Variants in HTRA1 observed in about 807,000 individuals in gnomAD.
HTRA1 encodes the protein serine protease HTRA1.
In HTRA1, 26 loss-of-function variants were observed where a neutral mutation model predicts 49.7. That is an observed-to-expected ratio of 0.52 (90% confidence interval 0.38 to 0.73). The LOEUF (loss-of-function observed/expected upper bound fraction) is 0.73, where lower values mean the gene tolerates loss of function less well. Ranked by LOEUF, HTRA1 falls within the 30% of genes least tolerant of loss-of-function variation. The pLI is 0.00. For synonymous variants in HTRA1, 291 were observed against 286.9 expected (o/e 1.01, Z -0.14); for missense variants, 561 against 667.2 (o/e 0.84, Z 1.75).
intron 1 of HTRA1, among the ~76,000 whole-genome samples, chr10:122,484,250 C>T (rs1340139094): frequency 6.6e-6 from 1 of 152,200 alleles, no homozygotes; most frequent in Non-Finnish European, 1.5e-5. Flanking sequence ...ACTTGGCCTT[C>T]TTCAGGTTGG....
chr10:122,475,072 G>C (rs921462280), intron 1 of HTRA1, among the ~76,000 whole-genome samples: 3 of 152,192 alleles, frequency 2.0e-5, no homozygotes, highest in Non-Finnish European at 4.4e-5. Flanking sequence ...CAGCTGGCCA[G>C]GTGCCCCCCG....
At chr10:122,481,552 T>C (rs2097490994) in intron 1 of HTRA1, among the ~76,000 whole-genome samples, 1 of 152,230 alleles carries the variant, frequency 6.6e-6, no homozygotes, top group South Asian at 2.1e-4. Context: ...GTTTGCTGTC[T>C]ATCCACCTCT....
At chr10:122,482,970 T>C (rs185501688) in intron 1 of HTRA1, among the ~76,000 whole-genome samples, 67 of 151,922 alleles carry the variant, frequency 4.4e-4, no homozygotes, top group African/African-American at 1.5e-3. Flanking sequence ...CTTATTCTTT[T>C]GAGAGAAACA....
At chr10:122,470,577 G>A (rs1267401793) in intron 1 of HTRA1, among the ~76,000 whole-genome samples, 1 of 151,902 alleles carries the variant, frequency 6.6e-6, no homozygotes, top group Non-Finnish European at 1.5e-5. Flanking sequence ...GAATCCTAAA[G>A]CATTGAAGTC....
At chr10:122,481,878 A>G (rs894831586) in intron 1 of HTRA1, among the ~76,000 whole-genome samples, 2 of 152,174 alleles carry the variant, frequency 1.3e-5, no homozygotes, top group African/African-American at 4.8e-5. Flanking sequence ...CATGTAAGAC[A>G]TGACATGCTC....
At chr10:122,470,374 G>A (rs185779525) in intron 1 of HTRA1, among the ~76,000 whole-genome samples, 1 of 152,294 alleles carries the variant, frequency 6.6e-6, no homozygotes, top group Non-Finnish European at 1.5e-5. Flanking sequence ...GGCATAAGGG[G>A]TATGGAGGAG....
intron 1 of HTRA1, among the ~76,000 whole-genome samples, chr10:122,483,504 G>T (rs72834474): frequency 0.022 from 3,305 of 152,300 alleles, 51 homozygotes; most frequent in Middle Eastern, 0.048. Flanking sequence ...ATGAAATCAT[G>T]TAGCACTGTA....
intron 1 of HTRA1, among the ~76,000 whole-genome samples, chr10:122,467,673 A>G (rs1304683595): frequency 6.6e-6 from 1 of 152,082 alleles, no homozygotes; most frequent in East Asian, 1.9e-4. Flanking sequence ...CACGAGACTC[A>G]TACCCCTTGC....
chr10:122,492,078 C>T (rs935735911), intron 3 of HTRA1, among the ~76,000 whole-genome samples: 2 of 152,084 alleles, frequency 1.3e-5, no homozygotes, highest in Non-Finnish European at 1.5e-5. Flanking sequence ...TCAGGAAAAC[C>T]GAGAAGGCAG....
intron 1 of HTRA1, among the ~76,000 whole-genome samples, chr10:122,463,643 A>G (rs1312344349): frequency 6.6e-6 from 1 of 152,220 alleles, no homozygotes; most frequent in African/African-American, 2.4e-5. Context: ...CTGGGACTAC[A>G]GGCGGATGCC....
At chr10:122,472,343 T>TCC (rs1266573010) in intron 1 of HTRA1, among the ~76,000 whole-genome samples, 1 of 149,050 alleles carries the variant, frequency 6.7e-6, no homozygotes. Flanking sequence ...CACCATCATC[T>TCC]CCCCAGAAAT....
chr10:122,506,572 C>T lies in HTRA1; in HGVS notation c.778-119C>T, dbSNP rs559856462. 154 of 856,402 alleles carry T rather than the reference C, an allele frequency of 1.8e-4. 4 individuals carry two copies. The highest frequency in any genetic ancestry group is 1.6e-3 in the South Asian group (114 of 72,024). 53.1% of individuals were successfully genotyped at this position (856,402 alleles called of 1,614,324 possible). A position where few individuals can be genotyped will look rare whatever the true frequency, so the allele number is the denominator to read the frequency against. ...GTTAGTTGTGAGCTCAGTTCCCCAC[C>T]GGGCCTGGTGTTTCCAAATAGCCCG... On this transcript the variant is annotated intron_variant, in intron 3 of 8. Transcript: ENST00000368984. This position sits in a 1 kb window ranked among gnomAD's most constrained non-coding sequence, Gnocchi z 5.2.
rs759729553 is a variant in HTRA1 at position 122,507,390 on chromosome 10, G to A, written c.993G>A (p.Pro331=). 12 of 1,610,516 alleles carry A rather than the reference G, an allele frequency of 7.5e-6. No homozygotes were observed. In the East Asian group the frequency reaches 1.3e-4, roughly 18 times the overall value. Residue 331 remains proline, a synonymous_variant, in exon 5 of 9, where the codon CCG becomes CCA. Coordinates refer to ENST00000368984, the MANE Select transcript of HTRA1 (RefSeq NM_002775.5). ...TGCAGTATGGAAACTCGGGAGGCCCGTTAGTAAACCTGGTAAGGTCTTTTA... is the reference window on the plus strand; with the variant it reads ...TGCAGTATGGAAACTCGGGAGGCCCATTAGTAAACCTGGTAAGGTCTTTTA... ...AIINYGNSGG[P]LVNLDGEVIG... is the part of the protein sequence containing the mutation.
At chr10:122,507,461 T>A in intron 5 of HTRA1, 59 bp downstream of exon 5, 1 of 1,207,144 alleles carries the variant, frequency 8.3e-7, no homozygotes, top group East Asian at 2.3e-5. Context: ...ACGCTGTTTT[T>A]TGTTTGTTTG....
chr10:122,504,577 G>A (rs528291214), intron 3 of HTRA1, among the ~76,000 whole-genome samples: 46 of 152,248 alleles, frequency 3.0e-4, no homozygotes, highest in African/African-American at 1.0e-3. Flanking sequence ...CCCTTTACCT[G>A]TCGCAAGCCC....
At chr10:122,466,189 A>G (rs999050443) in intron 1 of HTRA1, among the ~76,000 whole-genome samples, 2 of 151,754 alleles carry the variant, frequency 1.3e-5, no homozygotes, top group Non-Finnish European at 2.9e-5. Context: ...TTTTTGAGAC[A>G]GTGTCTCGTT....
chr10:122,482,755 TAAAAATACA>T (rs1004915847), intron 1 of HTRA1, among the ~76,000 whole-genome samples: 1 of 100,714 alleles, frequency 9.9e-6, no homozygotes, highest in Non-Finnish European at 2.3e-5. Flanking sequence ...CCATCTCTAC[TAAAAATACA>T]AAAAATAGCT....
At chr10:122,508,823 A>C in intron 6 of HTRA1, 53 bp downstream of exon 6, 2 of 1,092,444 alleles carry the variant, frequency 1.8e-6, no homozygotes, top group Non-Finnish European at 2.8e-6. Flanking sequence ...CCTGAAGCTC[A>C]GCTGCCCTTT....
chr10:122,463,773 C>T (rs955244751), intron 1 of HTRA1, among the ~76,000 whole-genome samples: 5 of 152,252 alleles, frequency 3.3e-5, no homozygotes, highest in African/African-American at 1.2e-4. Context: ...GTCAGCCCAG[C>T]ACTTAACTCC....
Sources: allele counts gnomAD v4.1 joint callset (sites outside exome capture counted in the v4.1 genomes callset), GRCh38; gene constraint gnomAD v4.1.1; non-coding constraint Gnocchi (gnomAD v3.1); transcripts MANE v1.5; gene names NCBI Gene and HGNC (gene_info 2026-07-23, HGNC 2026-07-21).